Variants in ZNF765 observed in about 807,000 individuals in gnomAD.
ZNF765 encodes zinc finger protein 765.
ZNF765 carries 37 observed loss-of-function variants against 44.7 expected under a neutral mutation model. The ratio of observed to expected loss-of-function variants is 0.83; its 90% confidence interval spans 0.64 to 1.09. The LOEUF is 1.09. Among genes scored for constraint, ZNF765 ranks in the 50% least tolerant of loss-of-function variants. ZNF765 has a pLI of 0.00. For missense variants in ZNF765, 594 were observed against 626.1 expected (o/e 0.95, Z 0.55); for synonymous variants, 201 against 213.7 (o/e 0.94, Z 0.52).
intron 2 of ZNF765, among the ~76,000 whole-genome samples, chr19:53,398,530 C>G (rs556909556): frequency 4.6e-5 from 7 of 152,200 alleles, no homozygotes; most frequent in Middle Eastern, 3.4e-3. Flanking sequence ...AACTATCTTA[C>G]TAATTAGAAT....
At chr19:53,398,173 A>G in intron 2 of ZNF765, 143 bp downstream of exon 2, 2 of 1,492,630 alleles carry the variant, frequency 1.3e-6, no homozygotes, top group South Asian at 2.3e-5. Flanking sequence ...ATTCCCTCTT[A>G]TCTTGCTTAG....
At chr19:53,419,529 G>T (rs1000380595) in intron 3 of ZNF765, among the ~76,000 whole-genome samples, 2 of 152,180 alleles carry the variant, frequency 1.3e-5, no homozygotes, top group African/African-American at 4.8e-5. Context: ...TTAGATAGCA[G>T]TTGTCAGTCT....
At chr19:53,397,195 A>G (rs2085680086) in intron 1 of ZNF765, among the ~76,000 whole-genome samples, 1 of 152,216 alleles carries the variant, frequency 6.6e-6, no homozygotes, top group South Asian at 2.1e-4. Context: ...CTAGGCAGCA[A>G]TTAGTTAGAT....
exon 4 of ZNF765, chr19:53,426,010 G>C (rs980134340): frequency 3.3e-5 from 5 of 152,226 alleles, no homozygotes; most frequent in African/African-American, 1.2e-4. Flanking sequence ...TCTCATCTCC[G>C]CATACAGGCG....
exon 4 of ZNF765, chr19:53,423,281 T>C: frequency 1.5e-6 from 1 of 669,912 alleles, no homozygotes; most frequent in Non-Finnish European, 2.7e-6. Context: ...AGACAAAAGA[T>C]CTGGGATACT....
rs1179116083 is a variant in ZNF765 at position 53,408,866 on chromosome 19, T to G, written c.1311T>G (p.Pro437=). ...NICRLHSGEK[P]YKCEECDKAY... ...GTAGACTTCATAGTGGAGAGAAACC[T>G]TACAAATGTGAAGAATGTGACAAAG... Residue 437 remains proline (P), a synonymous_variant, in exon 4 of 4, where the codon CCT becomes CCG. Coordinates refer to ENST00000396408, the MANE Select transcript of ZNF765 (RefSeq NM_001040185.3). The G allele has an allele frequency of 3.7e-6, 6 of 1,613,644 alleles. No individual in the cohort carries two copies. The highest frequency in any genetic ancestry group is 3.4e-6 in the Non-Finnish European group (4 of 1,179,954).
chr19:53,403,246 G>A (rs2085745499), intron 3 of ZNF765, among the ~76,000 whole-genome samples: 2 of 152,128 alleles, frequency 1.3e-5, no homozygotes, highest in South Asian at 4.1e-4. Context: ...GTTGATTCCT[G>A]TTGATTCAGC....
chr19:53,410,098 G>T lies in ZNF765; in HGVS notation c.*971G>T. ...GTCGTATTAGAAACCTTACAAATGT[G>T]AAGAATGTGATGAAGCTTTCAGATT... On this transcript the variant is annotated 3_prime_UTR_variant, in exon 4 of 4. Coordinates refer to ENST00000396408, the MANE Select transcript of ZNF765 (RefSeq NM_001040185.3). 1 of 450,192 alleles carries T rather than the reference G, an allele frequency of 2.2e-6. No homozygotes were observed. The highest frequency in any genetic ancestry group is 1.7e-5 in the South Asian group (1 of 60,148). 27.9% of individuals were successfully genotyped at this position (450,192 alleles called of 1,614,324 possible).
At chr19:53,419,386 T>A (rs2147106973) in intron 3 of ZNF765, among the ~76,000 whole-genome samples, 1 of 152,324 alleles carries the variant, frequency 6.6e-6, no homozygotes, top group Admixed American at 6.5e-5. Context: ...AGTCTCCTCT[T>A]TGAAGGGCTA....
At chr19:53,402,245 C>G in intron 3 of ZNF765, 54 bp downstream of exon 3, 1 of 1,327,932 alleles carries the variant, frequency 7.5e-7, no homozygotes, top group Non-Finnish European at 9.9e-7. Context: ...TGTATTTTCT[C>G]TCCTTTTTTT....
intron 2 of ZNF765, among the ~76,000 whole-genome samples, chr19:53,399,908 G>T (rs1332022623): frequency 6.6e-6 from 1 of 151,950 alleles, no homozygotes; most frequent in Non-Finnish European, 1.5e-5. Context: ...TCTGCCTCCC[G>T]GGTTCAAGTG....
rs142881550 is a variant in ZNF765, at chr19:53,417,194, A to T, written c.143-5868A>T. ...TCTGTTACATAGGTAAACGTGTGTCATGGGAGTTTGTTGTACAGATCACTT... is the reference window on the plus strand; with the variant it reads ...TCTGTTACATAGGTAAACGTGTGTCTTGGGAGTTTGTTGTACAGATCACTT... On this transcript the variant is annotated intron_variant, in intron 3 of 3. Coordinates refer to the ZNF765 transcript ENST00000594030. Among the ~76,000 whole-genome samples the T allele has an allele frequency of 4.8e-4, 73 of 152,298 alleles. No homozygotes were observed. The Middle Eastern group carries it at 0.014, about 28-fold the overall frequency.
chr19:53,402,332 C>T lies in ZNF765; in HGVS notation c.142+141C>T, dbSNP rs557057115. 1.5e-5 allele frequency: 22 copies of T among 1,420,404 alleles called. No individual in the cohort carries two copies. The East Asian group carries it at 3.5e-4, about 23-fold the overall frequency. 88.0% of individuals were successfully genotyped at this position (1,420,404 alleles called of 1,614,324 possible). On this transcript the variant is annotated intron_variant, in intron 3 of 3. Coordinates refer to ENST00000396408, the MANE Select transcript of ZNF765 (RefSeq NM_001040185.3). ...AGTGCTGTGGCATGATCTCGGCTCA[C>T]GGCCAGCTCCGCCTCCCGGGTTCAC...
Position 53,410,865 on chromosome 19 carries a change from T to C in ZNF765, c.*1738T>C. 2.1e-6 allele frequency: 1 copy of C among 473,404 alleles called. No homozygotes were observed. The highest frequency in any genetic ancestry group is 6.3e-5 in the East Asian group (1 of 15,970). 29.3% of individuals were successfully genotyped at this position (473,404 alleles called of 1,614,324 possible). A position where few individuals can be genotyped will look rare whatever the true frequency, so the allele number is the denominator to read the frequency against. ...CAAGTGTGATGATTGCGGCAAAGCC[T>C]TTAATTCACATTCACACCTCACTAG... is the stretch of plus-strand genomic sequence containing the variant. On this transcript the variant is annotated 3_prime_UTR_variant, in exon 4 of 4. Transcript: ENST00000396408.
chr19:53,410,406 T>C lies in ZNF765; in HGVS notation c.*1279T>C, dbSNP rs1457599285. 6 of 334,530 alleles carry C rather than the reference T, an allele frequency of 1.8e-5. No homozygotes were observed. In the East Asian group the frequency reaches 5.0e-4, roughly 28 times the overall value. The allele number at this position is 334,530 out of a possible 1,614,324, so 20.7% of individuals were successfully genotyped here. On this transcript the variant is annotated 3_prime_UTR_variant, in exon 4 of 4. Transcript: ENST00000396408. ...TTGAAAGACACAGGAGAATTCCTACTGGAGAGATAGCATAAAAATGTAAGA... is the reference window on the plus strand; with the variant it reads ...TTGAAAGACACAGGAGAATTCCTACCGGAGAGATAGCATAAAAATGTAAGA...
intron 3 of ZNF765, among the ~76,000 whole-genome samples, chr19:53,403,488 G>A (rs2085747439): frequency 6.6e-6 from 1 of 151,898 alleles, no homozygotes; most frequent in Non-Finnish European, 1.5e-5. Flanking sequence ...GTCTTACTCT[G>A]TCCCCAAGGC....
In ZNF765 at chr19:53,407,632, T is replaced by G. The variant is rs1009164026; in HGVS notation, c.143-66T>G. ...TAAGTATTGTTTTTTGTGTCATATT[T>G]ACACATTTCAGCATTATTTACCATC... is the stretch of plus-strand genomic sequence containing the variant. On this transcript the variant is annotated intron_variant, in intron 3 of 3. Coordinates refer to ENST00000396408, the MANE Select transcript of ZNF765 (RefSeq NM_001040185.3). The G allele has an allele frequency of 2.4e-6, 3 of 1,231,794 alleles. No individual in the cohort carries two copies. The African/African-American group carries it at 4.6e-5, about 19-fold the overall frequency. The allele number at this position is 1,231,794 out of a possible 1,614,324, so 76.3% of individuals were successfully genotyped here. A position where few individuals can be genotyped will look rare whatever the true frequency, so the allele number is the denominator to read the frequency against.
rs565626647 is a variant in ZNF765 at position 53,411,627 on chromosome 19, T to G, written c.*2500T>G. 1 of 152,394 alleles carries G rather than the reference T, an allele frequency of 6.6e-6. No individual in the cohort carries two copies. The highest frequency in any genetic ancestry group is 2.4e-5 in the African/African-American group (1 of 41,576). 9.4% of individuals were successfully genotyped at this position (152,394 alleles called of 1,614,324 possible). On this transcript the variant is annotated 3_prime_UTR_variant, in exon 4 of 4. Coordinates refer to ENST00000396408, the MANE Select transcript of ZNF765 (RefSeq NM_001040185.3). The stretch of plus-strand genomic sequence containing the variant: ...GGATTTTTATGGGTACCGTGTTGAA[T>G]CTAAATCACATTGGGTTATATAATC...
chr19:53,418,891 C>T (rs918319832), intron 3 of ZNF765, among the ~76,000 whole-genome samples: 11 of 115,458 alleles, frequency 9.5e-5, no homozygotes, highest in Non-Finnish European at 1.7e-4. Flanking sequence ...GGCATAAGAG[C>T]GAAACTCCGT....
Sources: gnomAD v4.1 joint callset for allele counts (sites outside exome capture counted in the v4.1 genomes callset) on GRCh38, gnomAD v4.1.1 for gene constraint, MANE v1.5 for transcripts, NCBI Gene and HGNC (gene_info 2026-07-23, HGNC 2026-07-21) for gene names.